Variants in ERC2 observed in about 807,000 individuals in gnomAD.
ERC2 encodes the protein ERC protein 2.
Under a neutral mutation model 114.8 loss-of-function variants are expected in ERC2, and 42 were observed. That is an observed-to-expected ratio of 0.37 (90% CI 0.29 to 0.47). The LOEUF is 0.47. Ranked by LOEUF, ERC2 falls within the 20% of genes least tolerant of loss-of-function variation. ERC2 has a pLI of 0.99. For synonymous variants in ERC2, 454 were observed against 425.5 expected (o/e 1.07, Z -0.82); for missense variants, 939 against 1,150.7 (o/e 0.82, Z 2.66).
intron 13 of ERC2, among the ~76,000 whole-genome samples, chr3:55,912,296 G>A (rs887724586): frequency 4.6e-5 from 7 of 152,140 alleles, no homozygotes; most frequent in Admixed American, 3.3e-4. Context: ...GTGCGAGTGA[G>A]AAAGATAATG....
At chr3:56,401,037 A>T (rs190619620) in intron 2 of ERC2, among the ~76,000 whole-genome samples, 1 of 152,224 alleles carries the variant, frequency 6.6e-6, no homozygotes, top group African/African-American at 2.4e-5. Flanking sequence ...GAAAAGCAGG[A>T]AAGTCCCAAG....
chr3:56,313,001 CATATATATATATATATATAT>C lies in ERC2; in HGVS notation c.658-16586_658-16567del, dbSNP rs3055903. Among the ~76,000 whole-genome samples, 40 of 43,884 alleles carry C rather than the reference CATATATATATATATATATAT, an allele frequency of 9.1e-4. 1 individual carries two copies. In the South Asian group the frequency reaches 9.5e-3, roughly 10 times the overall value. 28.8% of individuals were successfully genotyped at this position (43,884 alleles called of 152,430 possible). On this transcript the variant is annotated intron_variant, in intron 2 of 17. Transcript: ENST00000288221. ...TTAATATTTAGTGAATATGTATATT[CATATATATATATATATATAT>C]ATATATATATATATATGGGGTGGGA...
At chr3:56,379,131 G>A (rs558120530) in intron 2 of ERC2, among the ~76,000 whole-genome samples, 2 of 151,966 alleles carry the variant, frequency 1.3e-5, no homozygotes, top group African/African-American at 2.4e-5. Context: ...TACTTAAAGC[G>A]GTCAATTCAG....
intron 2 of ERC2, among the ~76,000 whole-genome samples, chr3:56,325,305 G>A (rs1351159741): frequency 1.3e-5 from 2 of 152,010 alleles, no homozygotes; most frequent in East Asian, 1.9e-4. Flanking sequence ...ATTTAGCTGG[G>A]TGTGGTGGTG....
chr3:55,848,188 A>G (rs1292727062), intron 14 of ERC2, among the ~76,000 whole-genome samples: 1 of 152,202 alleles, frequency 6.6e-6, no homozygotes. Context: ...AGGAGCTCAT[A>G]TTTATGCATC....
At chr3:56,099,692 T>A (rs1463190634) in intron 6 of ERC2, among the ~76,000 whole-genome samples, 1 of 152,194 alleles carries the variant, frequency 6.6e-6, no homozygotes, top group Non-Finnish European at 1.5e-5. Context: ...GTTGGTGAGC[T>A]TGGATGGCAT....
chr3:55,826,974 G>A (rs1023832710), intron 14 of ERC2, among the ~76,000 whole-genome samples: 10 of 152,210 alleles, frequency 6.6e-5, no homozygotes, highest in African/African-American at 2.2e-4. Context: ...AGCACAGCCT[G>A]TTTCATTTTA....
In ERC2 at chr3:55,731,560, C is replaced by G. The variant is rs1451930464; in HGVS notation, c.2712+3211G>C. On this transcript the variant is annotated intron_variant, in intron 15 of 17. Coordinates refer to ENST00000288221, the MANE Select transcript of ERC2 (RefSeq NM_015576.3). ...AGGTTTAGTATCTTGCCTGTAATCA[C>G]TCAGATAATAAATGTTAGAAACAGG... 4.6e-5 allele frequency among the ~76,000 whole-genome samples: 7 copies of G among 152,324 alleles called. No homozygotes were observed. In the East Asian group the frequency reaches 1.4e-3, roughly 29 times the overall value.
chr3:56,202,467 A>C (rs1384279088), intron 3 of ERC2, among the ~76,000 whole-genome samples: 1 of 151,172 alleles, frequency 6.6e-6, no homozygotes, highest in African/African-American at 2.4e-5. Flanking sequence ...GTTTGCAAAC[A>C]TAATAGGGTA....
intron 13 of ERC2, among the ~76,000 whole-genome samples, chr3:55,945,609 T>C (rs917786672): frequency 2.0e-4 from 30 of 152,166 alleles, no homozygotes; most frequent in African/African-American, 7.2e-4. Context: ...TGATTCCAAC[T>C]CTAATTGGAG....
intron 1 of ERC2, among the ~76,000 whole-genome samples, chr3:56,460,926 C>T (rs1298894023): frequency 7.2e-6 from 1 of 139,452 alleles, no homozygotes; most frequent in African/African-American, 2.8e-5. Flanking sequence ...CAAGACCATC[C>T]TGGCTAACAC....
chr3:55,533,644 C>T (rs544171869), intron 17 of ERC2, among the ~76,000 whole-genome samples: 30 of 152,244 alleles, frequency 2.0e-4, no homozygotes, highest in Admixed American at 1.0e-3. Context: ...GACCCAGAGG[C>T]GGCTCAGGCC....
intron 5 of ERC2, among the ~76,000 whole-genome samples, chr3:56,146,529 A>T (rs929635953): frequency 6.6e-6 from 1 of 152,190 alleles, no homozygotes; most frequent in Non-Finnish European, 1.5e-5. Flanking sequence ...CTCATTAGTC[A>T]AGTTAAATAT....
chr3:56,100,365 T>A (rs1417275151), intron 6 of ERC2, among the ~76,000 whole-genome samples: 1 of 152,158 alleles, frequency 6.6e-6, no homozygotes, highest in African/African-American at 2.4e-5. Flanking sequence ...TGCCCTCTGA[T>A]GACCACTAAG....
At chr3:55,975,885 C>G (rs551374438) in intron 12 of ERC2, among the ~76,000 whole-genome samples, 2 of 152,268 alleles carry the variant, frequency 1.3e-5, no homozygotes, top group African/African-American at 4.8e-5. Context: ...CTGGTAAAAT[C>G]TTTTCCATTT....
In ERC2 at chr3:56,010,541, C is replaced by G. The variant is rs1487641431; in HGVS notation, c.1828G>C (p.Glu610Gln). 3.1e-6 allele frequency: 5 copies of G among 1,613,486 alleles called. No homozygotes were observed. Among genetic ancestry groups the G allele is most frequent in the Admixed American group, 1.7e-5 (1 of 59,984 alleles). ...AAGGATTCTATCTCTTCTAGTCTTTCCCGATCATCTCTTTCTCGCTGTTCT... is the reference window on the plus strand; with the variant it reads ...AAGGATTCTATCTCTTCTAGTCTTTGCCGATCATCTCTTTCTCGCTGTTCT... The part of the protein sequence containing the change: ...LKEQRERDDR[E>Q]RLEEIESFRK... Residue 610 changes from glutamate to glutamine, a missense_variant, in exon 9 of 18, where the codon GAA (glutamate) becomes CAA (glutamine). Physicochemically the swap from Glu to Gln is conservative, Grantham distance 29. This residue lies in a region of ERC2 where 149 missense variants were observed against 254.6 expected (regional missense o/e 0.59). Coordinates refer to ENST00000288221, the MANE Select transcript of ERC2 (RefSeq NM_015576.3).
chr3:55,740,919 G>T (rs1211390577), intron 14 of ERC2, among the ~76,000 whole-genome samples: 2 of 152,058 alleles, frequency 1.3e-5, no homozygotes, highest in East Asian at 3.8e-4. Context: ...TCATTGCAGC[G>T]TTCTGGATTT....
intron 2 of ERC2, among the ~76,000 whole-genome samples, chr3:56,335,243 G>A (rs1015846007): frequency 3.9e-5 from 6 of 152,162 alleles, no homozygotes; most frequent in Non-Finnish European, 7.3e-5. Flanking sequence ...ACTATATGAC[G>A]TAAGACACTA....
At chr3:55,886,556 T>A (rs1201785833) in intron 14 of ERC2, among the ~76,000 whole-genome samples, 1 of 152,226 alleles carries the variant, frequency 6.6e-6, no homozygotes, top group Non-Finnish European at 1.5e-5. Flanking sequence ...GATTCTAACA[T>A]GAATACATTC....
Sources: gnomAD v4.1 joint callset for allele counts (sites outside exome capture counted in the v4.1 genomes callset) on GRCh38, gnomAD v4.1.1 for gene constraint, gnomAD v4.1.1 regional missense constraint, MANE v1.5 for transcripts, NCBI Gene and HGNC (gene_info 2026-07-23, HGNC 2026-07-21) for gene names.